GPHN: variants seen among roughly 807,000 people sequenced by gnomAD.
GPHN encodes gephyrin.
A neutral mutation model predicts 95.5 loss-of-function variants in GPHN; 17 were observed. The observed-to-expected ratio is 0.18, with a 90% confidence interval of 0.12 to 0.27. The LOEUF is 0.27. GPHN is among the 10% of genes least tolerant of loss of function. GPHN has a pLI of 1.00. For synonymous variants in GPHN, 320 were observed against 322.5 expected (o/e 0.99, Z 0.08); for missense variants, 660 against 978.1 (o/e 0.67, Z 4.34).
At chr14:67,599,983 C>T in the GPHN span, 2 of 1,505,532 alleles carry the variant, frequency 1.3e-6, no homozygotes, top group Admixed American at 2.1e-5. Flanking sequence ...CAAAGCCGAA[C>T]CCCCTCCTTC....
the GPHN span, among the ~76,000 whole-genome samples, chr14:67,262,668 G>GT: frequency 2.6e-5 from 4 of 152,082 alleles, no homozygotes; most frequent in Non-Finnish European, 5.9e-5. Context: ...CAGAAAATCT[G>GT]TTTTGTTGTT....
chr14:67,564,811 C>T, the GPHN span, among the ~76,000 whole-genome samples: 2 of 148,884 alleles, frequency 1.3e-5, no homozygotes, highest in Non-Finnish European at 3.0e-5. Context: ...ACCTCAGCCT[C>T]CCGAGTAGCT....
At chr14:67,154,705 C>G (rs1327562630) in intron 18 of GPHN, among the ~76,000 whole-genome samples, 1 of 152,042 alleles carries the variant, frequency 6.6e-6, no homozygotes, top group South Asian at 2.1e-4. Flanking sequence ...AGCAGTTGCT[C>G]TATAACCTAA....
Position 66,752,154 on chromosome 14 carries a change from T to G in GPHN, c.144-24310T>G, listed in dbSNP as rs189845300. Among the ~76,000 whole-genome samples the G allele has an allele frequency of 8.5e-5, 13 of 152,250 alleles. No homozygotes were observed. The East Asian group carries it at 9.6e-4, about 11-fold the overall frequency. On this transcript the variant is annotated intron_variant, in intron 2 of 22. Transcript: ENST00000478722. ...AGAGAATTAGGGCCTTGTTCTGAAT[T>G]AGGCTTTGGCTTAAGGAAATGTTGT...
intron 1 of GPHN, among the ~76,000 whole-genome samples, chr14:66,614,409 A>G (rs1277017007): frequency 6.6e-6 from 1 of 152,130 alleles, no homozygotes; most frequent in African/African-American, 2.4e-5. Context: ...AACCTACCAT[A>G]TGTCATTAAA....
At chr14:67,105,806 C>T (rs547926046) in intron 13 of GPHN, among the ~76,000 whole-genome samples, 34 of 152,022 alleles carry the variant, frequency 2.2e-4, no homozygotes, top group Admixed American at 7.2e-4. Flanking sequence ...CTTTTAACTA[C>T]GGAATTTAAT....
chr14:66,900,168 TTTTA>T (rs1320998410), intron 5 of GPHN, among the ~76,000 whole-genome samples: 9 of 151,926 alleles, frequency 5.9e-5, no homozygotes, highest in Non-Finnish European at 7.4e-5. Flanking sequence ...GATATTTCCA[TTTTA>T]TTTATCTTTT....
intron 2 of GPHN, among the ~76,000 whole-genome samples, chr14:66,768,693 A>G (rs1433080091): frequency 6.6e-6 from 1 of 151,988 alleles, no homozygotes; most frequent in Admixed American, 6.6e-5. Context: ...GGGCTTTAGT[A>G]CCCCACTTTC....
chr14:67,522,518 C>T, the GPHN span, among the ~76,000 whole-genome samples: 1 of 152,168 alleles, frequency 6.6e-6, no homozygotes, highest in Non-Finnish European at 1.5e-5. Flanking sequence ...CCTGGGGGGA[C>T]ACTGTGTGCC....
the GPHN span, among the ~76,000 whole-genome samples, chr14:67,561,754 C>T: frequency 1.3e-5 from 2 of 151,056 alleles, no homozygotes; most frequent in Non-Finnish European, 2.9e-5. Context: ...TCTATGGTCC[C>T]AGCTACTCAG....
At chr14:67,627,256 G>GAGATATATATATATATATATAT in the GPHN span, among the ~76,000 whole-genome samples, 1 of 133,750 alleles carries the variant, frequency 7.5e-6, no homozygotes, top group Non-Finnish European at 1.6e-5. Flanking sequence ...TCAGTAAGGA[G>GAGATATATATATATATATATAT]ATATATATAT....
chr14:66,937,028 A>G (rs2067163881), intron 8 of GPHN, among the ~76,000 whole-genome samples: 1 of 152,150 alleles, frequency 6.6e-6, no homozygotes, highest in East Asian at 1.9e-4. Context: ...TTTTCCAGAC[A>G]GGAGCTTGCT....
intron 1 of GPHN, among the ~76,000 whole-genome samples, chr14:66,598,435 G>C (rs879496099): frequency 3.3e-5 from 5 of 152,028 alleles, no homozygotes; most frequent in Non-Finnish European, 7.4e-5. Context: ...TAGTTAATTT[G>C]CCCATAGTTT....
At chr14:67,642,269 C>T in the GPHN span, 101 of 1,614,118 alleles carry the variant, frequency 6.3e-5, no homozygotes, top group South Asian at 9.0e-4. Context: ...AGTGAATCCA[C>T]GCTCAGTGGG....
chr14:66,649,484 A>G (rs1236014182), intron 1 of GPHN, among the ~76,000 whole-genome samples: 2 of 152,156 alleles, frequency 1.3e-5, no homozygotes, highest in African/African-American at 4.8e-5. Flanking sequence ...GCCACTCCCC[A>G]CTGCTCACAT....
chr14:66,977,205 A>T (rs1475827448), intron 9 of GPHN, among the ~76,000 whole-genome samples: 1 of 152,028 alleles, frequency 6.6e-6, no homozygotes, highest in African/African-American at 2.4e-5. Flanking sequence ...GCCGAGGCGG[A>T]TGGATCACGA....
Position 66,603,890 on chromosome 14 carries a change from AT to A in GPHN, c.65-77216del, listed in dbSNP as rs1566686382. On this transcript the variant is annotated intron_variant, in intron 1 of 22. Transcript: ENST00000478722. ...TTCACATTTAATAGTTTGATTATAC[AT>A]CTTATGATTAATGTTAGTATTATCT... Among the ~76,000 whole-genome samples the A allele has an allele frequency of 2.0e-5, 3 of 152,050 alleles. 1 individual carries two copies. The South Asian group carries it at 6.2e-4, about 32-fold the overall frequency.
At chr14:66,623,236 C>A (rs2063379304) in intron 1 of GPHN, among the ~76,000 whole-genome samples, 2 of 152,064 alleles carry the variant, frequency 1.3e-5, no homozygotes, top group Admixed American at 1.3e-4. Flanking sequence ...TCATGAGACT[C>A]ATTCACTATA....
At chr14:67,284,458 T>G in the GPHN span, among the ~76,000 whole-genome samples, 1 of 117,206 alleles carries the variant, frequency 8.5e-6, no homozygotes, top group East Asian at 2.3e-4. Flanking sequence ...CTGGGCATGG[T>G]GGTATGCTTC....
Sources: gnomAD v4.1 joint callset for allele counts (sites outside exome capture counted in the v4.1 genomes callset) on GRCh38, gnomAD v4.1.1 for gene constraint, MANE v1.5 for transcripts, NCBI Gene and HGNC (gene_info 2026-07-23, HGNC 2026-07-21) for gene names.